Variants in RARB observed in about 807,000 individuals in gnomAD.
RARB encodes the protein HBV-activated protein.
In RARB, 17 loss-of-function variants were observed where a neutral mutation model predicts 51.9. The observed-to-expected ratio is 0.33, with a 90% CI of 0.22 to 0.49. RARB has a LOEUF of 0.49. RARB is among the 20% of genes least tolerant of loss of function. RARB has a pLI of 0.99. For missense variants in RARB, 369 were observed against 550.8 expected (o/e 0.67, Z 3.30); for synonymous variants, 215 against 195.4 (o/e 1.10, Z -0.84).
chr3:25,539,084 A>G (rs1303587672), intron 3 of RARB, among the ~76,000 whole-genome samples: 1 of 152,220 alleles, frequency 6.6e-6, no homozygotes, highest in Admixed American at 6.5e-5. Flanking sequence ...GAGTTCTCTC[A>G]ATTCGTACAA....
intron 5 of RARB, among the ~76,000 whole-genome samples, chr3:25,303,952 T>G (rs906561476): frequency 9.9e-5 from 15 of 152,160 alleles, no homozygotes; most frequent in African/African-American, 3.6e-4. Context: ...CTCCTGAGGC[T>G]TGGTGATGCC....
intron 4 of RARB, among the ~76,000 whole-genome samples, chr3:25,577,937 C>G (rs972847258): frequency 6.6e-6 from 1 of 152,246 alleles, no homozygotes; most frequent in Admixed American, 6.5e-5. Context: ...GAAGAGGGGA[C>G]CTCCTCTGGA....
intron 2 of RARB, among the ~76,000 whole-genome samples, chr3:24,881,807 G>A (rs1703171811): frequency 6.6e-6 from 1 of 152,098 alleles, no homozygotes; most frequent in Non-Finnish European, 1.5e-5. Context: ...CAGGAGTGAT[G>A]ACTGCTGAAA....
chr3:25,384,650 G>C (rs1054155075), intron 5 of RARB, among the ~76,000 whole-genome samples: 3 of 152,194 alleles, frequency 2.0e-5, no homozygotes, highest in African/African-American at 4.8e-5. Flanking sequence ...CCTCACCTGA[G>C]AACATTCTTT....
At chr3:25,138,136 A>T (rs558484772) in intron 4 of RARB, among the ~76,000 whole-genome samples, 1 of 152,288 alleles carries the variant, frequency 6.6e-6, no homozygotes, top group South Asian at 2.1e-4. Context: ...GGGAGCTACA[A>T]GCCTGCATTT....
intron 3 of RARB, among the ~76,000 whole-genome samples, chr3:25,524,950 A>G (rs942661070): frequency 6.6e-6 from 1 of 152,038 alleles, no homozygotes; most frequent in African/African-American, 2.4e-5. Context: ...ACTGGTCTCA[A>G]ACTCCTGACC....
Position 24,833,651 on chromosome 3 carries a change from C to T in RARB, c.-459+4248C>T, listed in dbSNP as rs533678219. 3.9e-5 allele frequency among the ~76,000 whole-genome samples: 6 copies of T among 152,318 alleles called. No individual in the cohort carries two copies. In the South Asian group the frequency reaches 1.2e-3, roughly 32 times the overall value. ...ACCTCCTAAAATTATTCTCTTTAGT[C>T]TTCCTCATTTGGGGAAATGACAGTA... On this transcript the variant is annotated intron_variant, in intron 1 of 11. Coordinates refer to the RARB transcript ENST00000383772.
intron 2 of RARB, among the ~76,000 whole-genome samples, chr3:25,026,969 T>C (rs907288759): frequency 7.0e-6 from 1 of 142,670 alleles, no homozygotes; most frequent in Admixed American, 7.2e-5. Flanking sequence ...ATATCATTTA[T>C]TGTAAGTTTA....
intron 5 of RARB, among the ~76,000 whole-genome samples, chr3:25,177,868 G>A (rs2125355495): frequency 6.6e-6 from 1 of 152,182 alleles, no homozygotes; most frequent in African/African-American, 2.4e-5. Context: ...TTTACTTACA[G>A]AACAGACTTT....
At chr3:25,042,330 G>C (rs1188582226) in intron 2 of RARB, among the ~76,000 whole-genome samples, 1 of 152,168 alleles carries the variant, frequency 6.6e-6, no homozygotes, top group Non-Finnish European at 1.5e-5. Flanking sequence ...TGTTATTCAA[G>C]GCATTAGGAA....
intron 4 of RARB, among the ~76,000 whole-genome samples, chr3:25,154,946 T>C (rs1264491021): frequency 6.6e-6 from 1 of 152,226 alleles, no homozygotes; most frequent in East Asian, 1.9e-4. Flanking sequence ...GCTTTTACTT[T>C]TGTATTCCAA....
In RARB at chr3:25,450,943, G is replaced by A. The variant is rs544534704; in HGVS notation, c.158-10250G>A. 8.5e-5 allele frequency among the ~76,000 whole-genome samples: 13 copies of A among 152,218 alleles called. No homozygotes were observed. In the East Asian group the frequency reaches 1.2e-3, roughly 14 times the overall value. ...CCACTAAAAATACAAAAAAATAGCC[G>A]GGCGTGGTGGCGCACATTTATTAAT... On this transcript the variant is annotated intron_variant, in intron 1 of 7. Transcript: ENST00000330688.
intron 2 of RARB, among the ~76,000 whole-genome samples, chr3:24,947,770 C>G (rs961610699): frequency 2.0e-5 from 3 of 152,300 alleles, no homozygotes; most frequent in African/African-American, 4.8e-5. Flanking sequence ...AGACCAGATT[C>G]TCCAGTCAAA....
intron 5 of RARB, among the ~76,000 whole-genome samples, chr3:25,249,594 G>T (rs1702655506): frequency 6.6e-6 from 1 of 150,704 alleles, no homozygotes; most frequent in Non-Finnish European, 1.5e-5. Flanking sequence ...TTGTAGAGGA[G>T]GTTTTCCTGA....
intron 1 of RARB, among the ~76,000 whole-genome samples, chr3:24,841,039 G>A (rs1430769620): frequency 6.6e-6 from 1 of 152,164 alleles, no homozygotes; most frequent in Non-Finnish European, 1.5e-5. Flanking sequence ...TGGAGAGAGA[G>A]TACAGAAAGA....
chr3:24,917,262 A>G (rs1243623973), intron 2 of RARB, among the ~76,000 whole-genome samples: 9 of 152,334 alleles, frequency 5.9e-5, no homozygotes, highest in Middle Eastern at 3.4e-3. Context: ...ACCTTAGGTT[A>G]AGAGGTTTTA....
intron 5 of RARB, among the ~76,000 whole-genome samples, chr3:25,361,776 C>G (rs1390751324): frequency 6.6e-6 from 1 of 152,178 alleles, no homozygotes; most frequent in Non-Finnish European, 1.5e-5. Context: ...GGGGTCCATT[C>G]CAGACCCTGT....
chr3:25,113,721 G>C (rs995116057), intron 3 of RARB, among the ~76,000 whole-genome samples: 5 of 152,148 alleles, frequency 3.3e-5, no homozygotes, highest in Admixed American at 3.3e-4. Flanking sequence ...AGACAACTGG[G>C]TTAGGGAAGG....
intron 3 of RARB, among the ~76,000 whole-genome samples, chr3:25,562,733 C>T (rs561234400): frequency 4.6e-5 from 7 of 152,256 alleles, no homozygotes; most frequent in East Asian, 1.9e-4. Context: ...TGCAAGGACG[C>T]GCACCACACC....
Sources: allele counts gnomAD v4.1 joint callset (sites outside exome capture counted in the v4.1 genomes callset), GRCh38; gene constraint gnomAD v4.1.1; transcripts MANE v1.5; gene names NCBI Gene and HGNC (gene_info 2026-07-23, HGNC 2026-07-21).